The following DDX24 variants were observed in gnomAD, a reference collection of about 807,000 sequenced individuals.
DDX24 encodes the protein ATP-dependent RNA helicase DDX24.
In DDX24, 24 loss-of-function variants were observed where a neutral mutation model predicts 68.9. The ratio of observed to expected loss-of-function variants is 0.35; its 90% CI spans 0.25 to 0.49. DDX24 has a LOEUF of 0.49. DDX24 is among the 20% of genes least tolerant of loss of function. The pLI is 0.99. For missense variants in DDX24, 989 were observed against 1,039.0 expected, an observed-to-expected ratio of 0.95 and a Z score of 0.66; for synonymous variants, 395 against 385.2, an observed-to-expected ratio of 1.03 and a Z score of -0.30.
At position 94,050,706 on chromosome 14, in the gene DDX24, C is replaced by A; in HGVS notation, c.*485G>T. 1 of 154,406 alleles carries A rather than the reference C, an allele frequency of 6.5e-6. No individual in the cohort carries two copies. Among genetic ancestry groups the A allele is most frequent in the Non-Finnish European group, 1.4e-5 (1 of 69,580 alleles). The allele number at this position is 154,406 out of a possible 1,614,324, so 9.6% of individuals were successfully genotyped here. A position where few individuals can be genotyped will look rare whatever the true frequency, so the allele number is the denominator to read the frequency against. Reference sequence around the variant, plus strand: ...TATTAGGGTGCTGCTCTGGGTAAAGCAGGAACATGCACCTCTTGAACATTC... The same window carrying A: ...TATTAGGGTGCTGCTCTGGGTAAAGAAGGAACATGCACCTCTTGAACATTC... On this transcript the variant is annotated 3_prime_UTR_variant, in exon 9 of 9. Transcript: ENST00000621632.
intron 2 of DDX24, among the ~76,000 whole-genome samples, chr14:94,066,369 T>C (rs1051150065): frequency 2.0e-5 from 3 of 152,062 alleles, no homozygotes; most frequent in African/African-American, 7.2e-5. Flanking sequence ...AGAGCAGGCG[T>C]AGACCTGCCC....
At chr14:94,054,243 T>A (rs1885449579) in intron 7 of DDX24, among the ~76,000 whole-genome samples, 1 of 152,182 alleles carries the variant, frequency 6.6e-6, no homozygotes, top group Non-Finnish European at 1.5e-5. Context: ...CTAATGGGAA[T>A]TCTCTATGAT....
intron 5 of DDX24, 67 bp from the exon 6 acceptor site, chr14:94,057,964 T>C (rs560831224): frequency 4.8e-6 from 7 of 1,456,598 alleles, no homozygotes; most frequent in Non-Finnish European, 6.7e-6. Flanking sequence ...TCTTACCAAC[T>C]GCTGAGCATC....
chr14:94,071,087 G>A (rs1885817737), intron 2 of DDX24, among the ~76,000 whole-genome samples: 1 of 152,058 alleles, frequency 6.6e-6, no homozygotes, highest in Admixed American at 6.5e-5. Context: ...CCATACAGTG[G>A]CAGAAAATCT....
chr14:94,081,018 C>G (rs935882515), intron 1 of DDX24, 101 bp downstream of exon 1: 4 of 152,262 alleles, frequency 2.6e-5, no homozygotes, highest in Non-Finnish European at 5.9e-5. Context: ...TCTCTGGACC[C>G]GGGAACCCAC....
intron 5 of DDX24, among the ~76,000 whole-genome samples, chr14:94,058,353 A>G (rs531950700): frequency 1.3e-5 from 2 of 152,320 alleles, no homozygotes; most frequent in South Asian, 2.1e-4. Context: ...TCAGATGTCC[A>G]TATGACTCAC....
At chr14:94,060,708 AC>A (rs1190966565) in intron 4 of DDX24, 95 bp from the exon 5 acceptor site, 25 of 1,478,082 alleles carry the variant, frequency 1.7e-5, no homozygotes, top group Non-Finnish European at 2.3e-5. Flanking sequence ...ACACACACAC[AC>A]ACACGTACAC....
At position 94,079,508 on chromosome 14, in the gene DDX24, G is replaced by C. The variant is rs751819697; in HGVS notation, c.235C>G (p.Gln79Glu). The change falls in exon 2 of 9, where the codon CAA becomes GAA. Residue 79 changes from glutamine (Q) to glutamate (E), a missense_variant. By Grantham distance (29) the Gln-to-Glu change is conservative. Transcript: ENST00000621632. The stretch of plus-strand genomic sequence containing the variant: ...TCCTCCTCTTCTTCTGAAACAGCTT[G>C]TGCCTTTCTCTTGGGTGCTTCCTTT... ...FSKEAPKRKA[Q>E]AVSEEEEEEE... The C allele has an allele frequency of 6.2e-7, 1 of 1,614,092 alleles. No homozygotes were observed. The highest frequency in any genetic ancestry group is 8.5e-7 in the Non-Finnish European group (1 of 1,180,036).
At chr14:94,060,707 C>T (rs1885579008) in intron 4 of DDX24, 94 bp from the exon 5 acceptor site, 2 of 1,481,424 alleles carry the variant, frequency 1.4e-6, no homozygotes, top group Admixed American at 3.9e-5. Context: ...CACACACACA[C>T]ACACACGTAC....
chr14:94,068,365 A>C (rs1170847317), intron 2 of DDX24, among the ~76,000 whole-genome samples: 1 of 152,234 alleles, frequency 6.6e-6, no homozygotes, highest in Non-Finnish European at 1.5e-5. Flanking sequence ...TTTACGAAAC[A>C]ATTACTAACA....
At chr14:94,063,963 T>C (rs1266874305) in intron 2 of DDX24, among the ~76,000 whole-genome samples, 4 of 149,784 alleles carry the variant, frequency 2.7e-5, no homozygotes, top group African/African-American at 7.6e-5. Context: ...TTAAAAATAA[T>C]TGTTTAAAGC....
intron 2 of DDX24, among the ~76,000 whole-genome samples, chr14:94,068,134 A>C (rs991334177): frequency 6.6e-6 from 1 of 152,208 alleles, no homozygotes; most frequent in Non-Finnish European, 1.5e-5. Context: ...ACACATAAGG[A>C]CTCACATAAA....
At chr14:94,078,042 CTG>C (rs1313029589) in intron 2 of DDX24, among the ~76,000 whole-genome samples, 1 of 148,770 alleles carries the variant, frequency 6.7e-6, no homozygotes, top group Non-Finnish European at 1.5e-5. Flanking sequence ...AAAAAAAAAA[CTG>C]TATCTGTACT....
At chr14:94,079,828 T>A in intron 1 of DDX24, 81 bp from the exon 2 acceptor site, 1 of 1,296,766 alleles carries the variant, frequency 7.7e-7, no homozygotes, top group Non-Finnish European at 1.1e-6. Context: ...TCTAAGCAAC[T>A]AGGCCCTACA....
rs192555375 is a variant in DDX24, at chr14:94,052,448, A to T, written c.2308+550T>A. Among the ~76,000 whole-genome samples, 154 of 146,090 alleles carry T rather than the reference A, an allele frequency of 1.1e-3. 3 individuals are homozygous for T. The South Asian group carries it at 0.016, about 15-fold the overall frequency. On this transcript the variant is annotated intron_variant, in intron 8 of 8. Transcript: ENST00000621632. ...TGTGTTCATGTCATGAAAGTGGAGA[A>T]GATCAAATGAGATAATGGCATGGAA...
Position 94,079,091 on chromosome 14 carries a change from T to G in DDX24, c.652A>C (p.Ile218Leu), listed in dbSNP as rs373256834. ...GCAGGTGCCAAGGTCAGGGCTTGGA[T>G]TGGTGTGGGTGCAGAGAAGCCTAGA... ...SFLGFSAPTP[I>L]QALTLAPAIR... The change falls in exon 2 of 9, where the codon ATC (isoleucine) becomes CTC (leucine). Residue 218 changes from isoleucine to leucine, a missense_variant. Around this residue, in one of 3 missense-constraint regions of DDX24, gnomAD observed 295 missense variants for 263.0 expected, o/e 1.12. Coordinates refer to ENST00000621632, the MANE Select transcript of DDX24 (RefSeq NM_020414.4). 3 of 1,614,066 alleles carry G rather than the reference T, an allele frequency of 1.9e-6. No individual in the cohort carries two copies. The highest frequency in any genetic ancestry group is 2.2e-5 in the South Asian group (2 of 91,076).
rs914651416 is a variant in DDX24 at position 94,048,614 on chromosome 14, CT to C, written c.*2576del. On this transcript the variant is annotated 3_prime_UTR_variant, in exon 9 of 9. Transcript: ENST00000621632. Reference sequence around the variant, plus strand: ...GAAAATAGCTATTATACCTGACACACTCATCGTATGGGCTCTGCAAAGGGAT... The same window carrying C: ...GAAAATAGCTATTATACCTGACACACCATCGTATGGGCTCTGCAAAGGGAT... 2 of 152,248 alleles carry C rather than the reference CT, an allele frequency of 1.3e-5. No individual in the cohort carries two copies. Among genetic ancestry groups the C allele is most frequent in the African/African-American group, 2.4e-5 (1 of 41,460 alleles). The allele number at this position is 152,248 out of a possible 1,614,324, so 9.4% of individuals were successfully genotyped here. A position where few individuals can be genotyped will look rare whatever the true frequency, so the allele number is the denominator to read the frequency against.
Position 94,061,054 on chromosome 14 carries a change from G to A in DDX24, c.1256C>T (p.Ala419Val). The A allele has an allele frequency of 2.5e-6, 4 of 1,614,100 alleles. No homozygotes were observed. The highest frequency in any genetic ancestry group is 2.2e-5 in the East Asian group (1 of 44,890). The change falls in exon 4 of 9, where the codon GCT (alanine) becomes GTT (valine). Residue 419 changes from alanine to valine, a missense_variant. By Grantham distance (64) the Ala-to-Val change is moderately conservative. This residue lies in a region of DDX24 where 691 missense variants were observed against 760.0 expected (regional missense o/e 0.91). Coordinates refer to ENST00000621632, the MANE Select transcript of DDX24 (RefSeq NM_020414.4). Reference protein sequence around the residue: ...AVARFTGIKTAILVGGMSTQK... With the variant: ...AVARFTGIKTVILVGGMSTQK... ...CGTGGACATTCCACCAACCAAAATA[G>A]CAGTTTTAATTCCTATGGGACAGAA...
At chr14:94,055,593 C>T (rs996827784) in intron 6 of DDX24, 11 of 187,352 alleles carry the variant, frequency 5.9e-5, no homozygotes, top group South Asian at 4.7e-4. Context: ...CTGGCACACA[C>T]CATTAATCAA....
Sources: allele counts gnomAD v4.1 joint callset (sites outside exome capture counted in the v4.1 genomes callset), GRCh38; gene constraint gnomAD v4.1.1; regional missense constraint gnomAD v4.1.1; transcripts MANE v1.5; gene names NCBI Gene and HGNC (gene_info 2026-07-23, HGNC 2026-07-21).